The following NCAM1 variants were observed in gnomAD, a reference collection of about 807,000 sequenced individuals.
The protein encoded by NCAM1 is neural cell adhesion molecule 1, also known as antigen recognized by monoclonal antibody 5.1H11.
In NCAM1, 14 loss-of-function variants were observed where a neutral mutation model predicts 109.8. The observed-to-expected ratio is 0.13, with a 90% CI of 0.08 to 0.20. The LOEUF is 0.20. NCAM1 is among the 10% of genes least tolerant of loss of function. The pLI, the probability that NCAM1 is intolerant of heterozygous loss-of-function variation, is 1.00. For missense variants in NCAM1, 774 were observed against 1,109.9 expected (o/e 0.70, Z 4.30); for synonymous variants, 418 against 442.9 (o/e 0.94, Z 0.70).
chr11:113,182,126 A>G (rs1487629539), intron 1 of NCAM1, among the ~76,000 whole-genome samples: 2 of 152,120 alleles, frequency 1.3e-5, no homozygotes, highest in African/African-American at 4.8e-5. Flanking sequence ...ATCTCTTCCC[A>G]TCAGTCCATA....
At chr11:113,012,868 C>T (rs1952105885) in intron 1 of NCAM1, among the ~76,000 whole-genome samples, 1 of 152,124 alleles carries the variant, frequency 6.6e-6, no homozygotes, top group East Asian at 1.9e-4. Context: ...TATTCAACCC[C>T]ATCCAGATTA....
intron 1 of NCAM1, among the ~76,000 whole-genome samples, chr11:112,974,468 G>T (rs535917349): frequency 6.6e-6 from 1 of 152,114 alleles, no homozygotes. Flanking sequence ...GGTTTATTGG[G>T]TGGGGGACAT....
Position 113,275,413 on chromosome 11 carries a change from C to T in NCAM1, c.*26C>T. On this transcript the variant is annotated 3_prime_UTR_variant, in exon 20 of 20. Transcript: ENST00000316851. Reference sequence around the variant, plus strand: ...TGGGTGAAGAGAACCGAGCAAAGATCAAAATAAAAAGTGACACAGCAGCTT... The same window carrying T: ...TGGGTGAAGAGAACCGAGCAAAGATTAAAATAAAAAGTGACACAGCAGCTT... 6.2e-6 allele frequency: 10 copies of T among 1,603,432 alleles called. No individual in the cohort carries two copies. The highest frequency in any genetic ancestry group is 8.5e-6 in the Non-Finnish European group (10 of 1,174,880).
At chr11:113,156,914 C>A (rs1942426967) in intron 1 of NCAM1, among the ~76,000 whole-genome samples, 1 of 151,958 alleles carries the variant, frequency 6.6e-6, no homozygotes. Context: ...GGAGTAGATG[C>A]TTTAGGGAAT....
intron 1 of NCAM1, among the ~76,000 whole-genome samples, chr11:113,183,156 A>C (rs577382412): frequency 6.6e-6 from 1 of 152,322 alleles, no homozygotes; most frequent in Non-Finnish European, 1.5e-5. Flanking sequence ...GGGCAAGACC[A>C]GAACAAAACC....
intron 15 of NCAM1, among the ~76,000 whole-genome samples, chr11:113,248,915 G>C (rs1282610472): frequency 2.6e-5 from 4 of 152,128 alleles, no homozygotes. Context: ...TGATTCTAAG[G>C]TCATGGCATC....
At chr11:113,200,622 T>C (rs1041461078) in intron 1 of NCAM1, among the ~76,000 whole-genome samples, 1 of 152,124 alleles carries the variant, frequency 6.6e-6, no homozygotes, top group African/African-American at 2.4e-5. Flanking sequence ...CACCTTTTCC[T>C]CATCTGGAAA....
intron 1 of NCAM1, among the ~76,000 whole-genome samples, chr11:113,016,185 ATAGT>A (rs1952201484): frequency 6.6e-6 from 1 of 152,186 alleles, no homozygotes; most frequent in Admixed American, 6.5e-5. Context: ...GGTCTCTACT[ATAGT>A]AAGTCAAGCA....
At chr11:112,976,258 T>C (rs1311989377) in intron 1 of NCAM1, among the ~76,000 whole-genome samples, 1 of 151,954 alleles carries the variant, frequency 6.6e-6, no homozygotes, top group Non-Finnish European at 1.5e-5. Flanking sequence ...AAAATATATA[T>C]ACAATTATAT....
chr11:113,111,297 T>G (rs1940433782), intron 1 of NCAM1, among the ~76,000 whole-genome samples: 1 of 152,166 alleles, frequency 6.6e-6, no homozygotes, highest in Non-Finnish European at 1.5e-5. Flanking sequence ...TTTTCTAAAT[T>G]GCAAAAGTAA....
At chr11:113,200,628 G>C (rs1303052380) in intron 1 of NCAM1, among the ~76,000 whole-genome samples, 4 of 152,130 alleles carry the variant, frequency 2.6e-5, no homozygotes, top group Non-Finnish European at 5.9e-5. Context: ...TTCCTCATCT[G>C]GAAAATGAGG....
Position 113,263,002 on chromosome 11 carries a change from C to CATGG in NCAM1, c.2131+2679_2131+2680insATGG, listed in dbSNP as rs146542910. 1,065 of 1,554,086 alleles carry CATGG rather than the reference C, an allele frequency of 6.9e-4. 14 individuals are homozygous for CATGG. In the East Asian group the frequency reaches 0.022, roughly 32 times the overall value. On this transcript the variant is annotated intron_variant, in intron 17 of 19. Transcript: ENST00000316851. ...AGATCAGTGCCCCCTTTGGAAGAAC[C>CATGG]TGGCAGGACCACCATGGCCACAGCT...
chr11:113,138,519 A>AT (rs1941694976), intron 1 of NCAM1, among the ~76,000 whole-genome samples: 2 of 152,150 alleles, frequency 1.3e-5, no homozygotes, highest in Non-Finnish European at 2.9e-5. Flanking sequence ...TGAGGAGGGT[A>AT]TTTTTTATAT....
At chr11:113,115,360 T>A (rs1023112445) in intron 1 of NCAM1, among the ~76,000 whole-genome samples, 41 of 152,202 alleles carry the variant, frequency 2.7e-4, no homozygotes, top group African/African-American at 9.6e-4. Context: ...TGGTAAAGGT[T>A]CAAAACATAA....
intron 1 of NCAM1, among the ~76,000 whole-genome samples, chr11:113,139,782 A>G (rs1941746230): frequency 6.6e-6 from 1 of 152,184 alleles, no homozygotes; most frequent in Non-Finnish European, 1.5e-5. Flanking sequence ...CAGAAAGGAG[A>G]AAAAAGATTT....
chr11:113,214,342 A>T, intron 7 of NCAM1, 27 bp from the exon 8 acceptor site: 1 of 1,611,372 alleles, frequency 6.2e-7, no homozygotes, highest in Non-Finnish European at 8.5e-7. Context: ...AATTAGATAA[A>T]CTCAGAGAAA....
Position 113,274,600 on chromosome 11 carries a change from G to A in NCAM1, c.2457-667G>A, listed in dbSNP as rs1353710246. Among the ~76,000 whole-genome samples the A allele has an allele frequency of 2.0e-5, 3 of 152,204 alleles. No individual in the cohort carries two copies. The highest frequency in any genetic ancestry group is 4.4e-5 in the Non-Finnish European group (3 of 68,038). On this transcript the variant is annotated intron_variant, in intron 19 of 19. Coordinates refer to ENST00000316851, the MANE Select transcript of NCAM1 (RefSeq NM_181351.5). This position sits in a 1 kb window ranked among gnomAD's most constrained non-coding sequence, Gnocchi z 4.1. The stretch of plus-strand genomic sequence containing the variant: ...AGCCCTGAATCTCAGCATCGGGAGG[G>A]AAAAGGACTCTGATAGCCCTGCCCA...
Position 113,206,044 on chromosome 11 carries a change from C to A in NCAM1, c.492C>A (p.Val164=). The A allele has an allele frequency of 6.2e-7, 1 of 1,613,948 alleles. No homozygotes were observed. Among genetic ancestry groups the A allele is most frequent in the Non-Finnish European group, 8.5e-7 (1 of 1,179,870 alleles). The change falls in exon 5 of 20, where the codon GTC becomes GTA. Residue 164 remains valine, a splice_region_variant and synonymous_variant. Transcript: ENST00000316851. ...GAACCTGCCTCTTATCTCTTCTAGT[C>A]CGATTCATAGTCCTGTCCAACAACT... is the stretch of plus-strand genomic sequence containing the variant. ...KGRDVILKKD[V]RFIVLSNNYL...
intron 1 of NCAM1, among the ~76,000 whole-genome samples, chr11:113,142,652 C>G (rs950072021): frequency 6.6e-6 from 1 of 152,216 alleles, no homozygotes; most frequent in South Asian, 2.1e-4. Flanking sequence ...ACTGCAGTCC[C>G]CCTTTGCTGT....
Sources: gnomAD v4.1 joint callset for allele counts (sites outside exome capture counted in the v4.1 genomes callset) on GRCh38, gnomAD v4.1.1 for gene constraint, Gnocchi (gnomAD v3.1) non-coding constraint, MANE v1.5 for transcripts, NCBI Gene and HGNC (gene_info 2026-07-23, HGNC 2026-07-21) for gene names.